Variants in SYNE1 observed in about 807,000 individuals in gnomAD.
SYNE1 encodes nesprin-1.
In SYNE1, 616 loss-of-function variants were observed where a neutral mutation model predicts 1,111.0. That is an observed-to-expected ratio of 0.55 (90% CI 0.52 to 0.59). The LOEUF (loss-of-function observed/expected upper bound fraction) is 0.59. Among genes scored for constraint, SYNE1 ranks in the 20% least tolerant of loss-of-function variants. The pLI is 0.00. For synonymous variants in SYNE1, 3,855 were observed against 3,825.8 expected, an observed-to-expected ratio of 1.01 and a Z score of -0.28; for missense variants, 10,006 against 10,417.0, an observed-to-expected ratio of 0.96 and a Z score of 1.72.
chr6:152,264,775 G>A (rs533832467), intron 100 of SYNE1, among the ~76,000 whole-genome samples: 1 of 152,228 alleles, frequency 6.6e-6, no homozygotes, highest in Admixed American at 6.5e-5. Context: ...ACTCCAGCCT[G>A]GGTGACAGAG....
intron 64 of SYNE1, among the ~76,000 whole-genome samples, chr6:152,360,384 G>T (rs1320567767): frequency 6.6e-6 from 1 of 152,088 alleles, no homozygotes; most frequent in African/African-American, 2.4e-5. Flanking sequence ...CCGGAATGCT[G>T]GTTCCTCAAC....
At chr6:152,417,365 G>A (rs1228682974) in intron 40 of SYNE1, among the ~76,000 whole-genome samples, 1 of 152,270 alleles carries the variant, frequency 6.6e-6, no homozygotes, top group Non-Finnish European at 1.5e-5. Flanking sequence ...AGGCGTGGTG[G>A]TGGGCGCCTG....
chr6:152,508,980 G>A (rs1564534619), intron 8 of SYNE1, among the ~76,000 whole-genome samples: 1 of 151,746 alleles, frequency 6.6e-6, no homozygotes, highest in African/African-American at 2.4e-5. Context: ...CCTATGTTTA[G>A]TACCTCAATA....
At chr6:152,377,670 T>TATA (rs2097321477) in intron 56 of SYNE1, among the ~76,000 whole-genome samples, 1 of 123,466 alleles carries the variant, frequency 8.1e-6, no homozygotes, top group South Asian at 2.8e-4. Flanking sequence ...TATATATATA[T>TATA]ATCTCCAAAA....
At chr6:152,338,973 T>G (rs2096471245) in intron 75 of SYNE1, among the ~76,000 whole-genome samples, 1 of 152,016 alleles carries the variant, frequency 6.6e-6, no homozygotes, top group Admixed American at 6.6e-5. Flanking sequence ...GAATGGTCAT[T>G]AAGGAGGAGA....
In SYNE1 at chr6:152,428,112, C is replaced by T. The variant is rs141754408; in HGVS notation, c.4976+93G>A. On this transcript the variant is annotated intron_variant, in intron 37 of 145. Transcript: ENST00000367255. ...TAGACCCACAAGTTCACGTCTTTTG[C>T]ATCTGGGATAACTACTCCCCATCAC... is the stretch of plus-strand genomic sequence containing the variant. 3.7e-5 allele frequency: 57 copies of T among 1,528,638 alleles called. No homozygotes were observed. In the African/African-American group the frequency reaches 5.8e-4, roughly 16 times the overall value. The allele number at this position is 1,528,638 out of a possible 1,614,324, so 94.7% of individuals were successfully genotyped here.
At chr6:152,487,181 C>T (rs1404143483) in intron 12 of SYNE1, among the ~76,000 whole-genome samples, 1 of 152,192 alleles carries the variant, frequency 6.6e-6, no homozygotes, top group Non-Finnish European at 1.5e-5. Context: ...CATCCATTAG[C>T]TATTCTTCCT....
chr6:152,155,128 A>C, intron 132 of SYNE1, 86 bp from the exon 133 acceptor site: 5 of 1,556,990 alleles, frequency 3.2e-6, no homozygotes, highest in Non-Finnish European at 4.4e-6. Flanking sequence ...GACTGGATTA[A>C]GGGTGCCCAC....
intron 6 of SYNE1, among the ~76,000 whole-genome samples, chr6:152,516,836 C>T (rs2099114667): frequency 6.6e-6 from 1 of 152,118 alleles, no homozygotes; most frequent in Non-Finnish European, 1.5e-5. Flanking sequence ...TTCACCTACC[C>T]TTCCCTCCCA....
In SYNE1 at chr6:152,407,109, C is replaced by T. The variant is rs1417491327; in HGVS notation, c.6628G>A (p.Glu2210Lys). 1 of 1,614,006 alleles carries T rather than the reference C, an allele frequency of 6.2e-7. No homozygotes were observed. Among genetic ancestry groups the T allele is most frequent in the Middle Eastern group, 1.6e-4 (1 of 6,062 alleles). ...DDVLSTRDEI[E>K]GWSNNCVPQM... ...GGAACGCAGTTGTTTGACCATCCCT[C>T]AATCTCATCTCTAGTTGACAGTACA... is the stretch of plus-strand genomic sequence containing the variant. Residue 2210 changes from glutamate to lysine, a missense_variant, in exon 45 of 146, where the codon GAG (glutamate) becomes AAG (lysine). Physicochemically the swap from Glu to Lys is moderately conservative, Grantham distance 56. Around this residue, in one of 7 missense-constraint regions of SYNE1, gnomAD observed 4,955 missense variants for 5,017.2 expected, o/e 0.99. Coordinates refer to ENST00000367255, the MANE Select transcript of SYNE1 (RefSeq NM_182961.4).
chr6:152,481,639 T>C (rs2098900619), intron 14 of SYNE1: 1 of 428,432 alleles, frequency 2.3e-6, no homozygotes, highest in Non-Finnish European at 4.6e-6. Context: ...TTGTGTGTTA[T>C]ATATGCTTAG....
intron 131 of SYNE1, among the ~76,000 whole-genome samples, chr6:152,158,193 T>G (rs2061739219): frequency 1.3e-5 from 2 of 152,266 alleles, no homozygotes; most frequent in South Asian, 4.1e-4. Context: ...TGTTGTTTTC[T>G]CTATTGAACT....
At chr6:152,390,492 A>C in intron 52 of SYNE1, 40 bp from the exon 53 acceptor site, 4 of 1,603,430 alleles carry the variant, frequency 2.5e-6, no homozygotes, top group Non-Finnish European at 3.4e-6. Context: ...AGGCATGTAA[A>C]AACCTTCTTC....
intron 3 of SYNE1, among the ~76,000 whole-genome samples, chr6:152,572,340 A>G (rs575965269): frequency 6.6e-6 from 1 of 152,288 alleles, no homozygotes; most frequent in African/African-American, 2.4e-5. Context: ...CATTAATTAC[A>G]TGTATCCAAA....
chr6:152,482,449 T>C (rs2098911392), intron 14 of SYNE1, among the ~76,000 whole-genome samples: 1 of 152,122 alleles, frequency 6.6e-6, no homozygotes, highest in African/African-American at 2.4e-5. Context: ...TTACAGCAAA[T>C]GAAGTATACA....
Position 152,298,746 on chromosome 6 carries a change from T to C in SYNE1, c.17682+1895A>G, listed in dbSNP as rs898061454. 5.3e-5 allele frequency among the ~76,000 whole-genome samples: 8 copies of C among 152,198 alleles called. No individual in the cohort carries two copies. In the East Asian group the frequency reaches 1.3e-3, roughly 26 times the overall value. On this transcript the variant is annotated intron_variant, in intron 93 of 145. Coordinates refer to ENST00000367255, the MANE Select transcript of SYNE1 (RefSeq NM_182961.4). ...TATAAATCCAGTGCATCACCGGTCATGGTGTCATATTTTTTCATTGTCTTC... is the reference window on the plus strand; with the variant it reads ...TATAAATCCAGTGCATCACCGGTCACGGTGTCATATTTTTTCATTGTCTTC...
At chr6:152,281,754 T>G in intron 97 of SYNE1, 53 bp downstream of exon 97, 3 of 1,603,542 alleles carry the variant, frequency 1.9e-6, no homozygotes, top group Non-Finnish European at 2.6e-6. Context: ...TTCTGTAGTT[T>G]AAAAAAATGT....
Position 152,539,943 on chromosome 6 carries a change from T to A in SYNE1, c.129+17A>T. The A allele has an allele frequency of 6.2e-7, 1 of 1,613,818 alleles. No homozygotes were observed. The highest frequency in any genetic ancestry group is 8.5e-7 in the Non-Finnish European group (1 of 1,179,770). ...CTCAACCTAAGTAAACCTGTAATGC[T>A]GGGTAGTTTCCTTTACCTTGGCCAG... On this transcript the variant is annotated intron_variant, in intron 4 of 145. Coordinates refer to ENST00000367255, the MANE Select transcript of SYNE1 (RefSeq NM_182961.4).
intron 81 of SYNE1, among the ~76,000 whole-genome samples, chr6:152,324,134 C>A (rs993123795): frequency 6.6e-6 from 1 of 152,144 alleles, no homozygotes; most frequent in Non-Finnish European, 1.5e-5. Flanking sequence ...TGTGGTGGCT[C>A]GTGCCTGTAA....
Sources: allele counts gnomAD v4.1 joint callset (sites outside exome capture counted in the v4.1 genomes callset), GRCh38; gene constraint gnomAD v4.1.1; regional missense constraint gnomAD v4.1.1; transcripts MANE v1.5; gene names NCBI Gene and HGNC (gene_info 2026-07-23, HGNC 2026-07-21).